ARAP2: variants seen among roughly 807,000 people sequenced by gnomAD.
The protein encoded by ARAP2 is ArfGAP with RhoGAP domain, ankyrin repeat and PH domain 2, also known as arf-GAP with Rho-GAP domain, ANK repeat and PH domain-containing protein 2.
ARAP2 carries 148 observed loss-of-function variants against 194.5 expected under a neutral mutation model. The observed-to-expected ratio is 0.76, with a 90% confidence interval of 0.67 to 0.87. The LOEUF is 0.87. ARAP2 is among the 40% of genes least tolerant of loss of function. The pLI, the probability that ARAP2 is intolerant of heterozygous loss-of-function variation, is 0.00. For synonymous variants in ARAP2, 695 were observed against 683.5 expected (o/e 1.02, Z -0.26); for missense variants, 2,128 against 1,989.7 (o/e 1.07, Z -1.32).
chr4:36,161,146 AACACACACACACACAC>A (rs36207295), intron 12 of ARAP2, among the ~76,000 whole-genome samples: 8 of 147,890 alleles, frequency 5.4e-5, no homozygotes, highest in Non-Finnish European at 1.1e-4. Flanking sequence ...CACACACACA[AACACACACACACACAC>A]ACACACACAC....
chr4:36,014,297 G>GAAAGAAAGAAAGAAAGAAAGAAAGA (rs869236110), intron 8 of ARAP2, among the ~76,000 whole-genome samples: 2 of 130,020 alleles, frequency 1.5e-5, no homozygotes, highest in East Asian at 2.2e-4. Flanking sequence ...AAGAAAGAAA[G>GAAAGAAAGAAAGAAAGAAAGAAAGA]AAGAGAAGGA....
At chr4:36,192,973 G>A (rs548914612) in intron 7 of ARAP2, among the ~76,000 whole-genome samples, 27 of 152,048 alleles carry the variant, frequency 1.8e-4, no homozygotes, top group Non-Finnish European at 3.7e-4. Flanking sequence ...TCCAGCCTGG[G>A]CAACAGAGCA....
intron 5 of ARAP2, among the ~76,000 whole-genome samples, chr4:36,036,489 T>C (rs2109215329): frequency 6.6e-6 from 1 of 152,226 alleles, no homozygotes; most frequent in East Asian, 1.9e-4. Flanking sequence ...TAAAAAGAAA[T>C]ATTCTTAGTC....
intron 8 of ARAP2, among the ~76,000 whole-genome samples, chr4:36,184,534 T>C (rs561685257): frequency 2.6e-5 from 4 of 152,242 alleles, no homozygotes; most frequent in Non-Finnish European, 5.9e-5. Context: ...AGATGAACTA[T>C]ACACCACAGA....
intron 26 of ARAP2, 116 bp downstream of exon 26, chr4:36,114,054 A>C (rs1297948981): frequency 1.3e-6 from 1 of 793,054 alleles, no homozygotes; most frequent in Non-Finnish European, 2.1e-6. Context: ...ACATGCACTA[A>C]GGTAAAAAAA....
rs1287496872 is a variant in ARAP2 at position 36,228,905 on chromosome 4, T to C, written c.582A>G (p.Gln194=). 2.5e-6 allele frequency: 4 copies of C among 1,614,006 alleles called. No homozygotes were observed. The highest frequency in any genetic ancestry group is 1.7e-5 in the Admixed American group (1 of 59,966). The change falls in exon 2 of 33, where the codon CAA becomes CAG. Residue 194 remains glutamine (Q), a synonymous_variant. Transcript: ENST00000303965. ...TGATCAATTTAACTTTTTCTGTTTG[T>C]TGTTCTTCAACTGTGTGATCCACAG... ...KKTVDHTVEE[Q]QTEKVKLITE...
At chr4:36,185,202 C>T (rs1740244647) in intron 8 of ARAP2, among the ~76,000 whole-genome samples, 1 of 152,208 alleles carries the variant, frequency 6.6e-6, no homozygotes, top group African/African-American at 2.4e-5. Context: ...ATTTAGGCTG[C>T]AGATCAGTTT....
At chr4:36,188,485 T>TA (rs1250707380) in intron 7 of ARAP2, among the ~76,000 whole-genome samples, 2 of 152,156 alleles carry the variant, frequency 1.3e-5, no homozygotes, top group African/African-American at 4.8e-5. Flanking sequence ...ATCCGACTTT[T>TA]AAAAAACCTT....
intron 6 of ARAP2, among the ~76,000 whole-genome samples, chr4:36,195,454 A>G (rs1742868567): frequency 6.6e-6 from 1 of 152,216 alleles, no homozygotes; most frequent in Admixed American, 6.5e-5. Context: ...ATTTCATTTT[A>G]TCTCTTCCAC....
intron 30 of ARAP2, among the ~76,000 whole-genome samples, chr4:36,081,148 T>G (rs1406134609): frequency 6.6e-6 from 1 of 152,162 alleles, no homozygotes; most frequent in Non-Finnish European, 1.5e-5. Flanking sequence ...CCTATTACCA[T>G]GTCCAGGCCA....
rs1490860550 is a variant in ARAP2 at position 36,147,621 on chromosome 4, G to C, written c.3126C>G (p.Ser1042=). ...GCATTTGAAGGCAAAAATGCAAGCTGGATTTGTCCATAGCAAACCAGCCTT... is the reference window on the plus strand; with the variant it reads ...GCATTTGAAGGCAAAAATGCAAGCTCGATTTGTCCATAGCAAACCAGCCTT... ...WRKGWFAMDK[S]SLHFCLQMQE... Residue 1042 remains serine, a synonymous_variant, in exon 18 of 33, where the codon TCC becomes TCG. Transcript: ENST00000303965. 8.1e-6 allele frequency: 13 copies of C among 1,613,496 alleles called. No individual in the cohort carries two copies. The highest frequency in any genetic ancestry group is 1.3e-5 in the African/African-American group (1 of 74,884).
At chr4:36,125,591 C>T (rs150772777) in intron 21 of ARAP2, among the ~76,000 whole-genome samples, 77 of 152,018 alleles carry the variant, frequency 5.1e-4, no homozygotes, top group African/African-American at 1.8e-3. Flanking sequence ...GGATGATAGA[C>T]CTCCTGCTTT....
At chr4:36,130,781 C>T (rs528657073) in intron 20 of ARAP2, among the ~76,000 whole-genome samples, 140 of 151,960 alleles carry the variant, frequency 9.2e-4, no homozygotes, top group South Asian at 3.9e-3. Flanking sequence ...CTACTCAGCA[C>T]GTATTCAATA....
At chr4:36,223,878 T>C (rs1749678459) in intron 2 of ARAP2, among the ~76,000 whole-genome samples, 1 of 152,164 alleles carries the variant, frequency 6.6e-6, no homozygotes, top group South Asian at 2.1e-4. Context: ...GAAAAATTTC[T>C]ATTGGTTAAA....
At chr4:36,133,430 T>G (rs751386151) in intron 19 of ARAP2, 41 bp from the exon 20 acceptor site, 1 of 1,560,298 alleles carries the variant, frequency 6.4e-7, no homozygotes, top group Non-Finnish European at 8.7e-7. Context: ...AATTTTGCTC[T>G]TTAAAAAAAA....
chr4:36,140,060 A>AT (rs1727882445), intron 19 of ARAP2, among the ~76,000 whole-genome samples: 1 of 150,552 alleles, frequency 6.6e-6, no homozygotes, highest in Admixed American at 6.7e-5. Flanking sequence ...GGCCCCCTTC[A>AT]TTTTTTCCTA....
intron 2 of ARAP2, among the ~76,000 whole-genome samples, chr4:36,227,062 T>C (rs1750480674): frequency 6.6e-6 from 1 of 152,200 alleles, no homozygotes; most frequent in Non-Finnish European, 1.5e-5. Context: ...CCAATTCTTA[T>C]ATAGCCAATC....
In ARAP2 at chr4:36,150,999, T is replaced by G. The variant is rs1346274152; in HGVS notation, c.2798A>C (p.Tyr933Ser). ...WCVLEGGFLS[Y>S]YENDKSTTPN... Reference sequence around the variant, plus strand: ...TGTGGTAGACTTATCATTTTCATAGTAACTCAAGAAGCCTCCTTCCAAAAC... The same window carrying G: ...TGTGGTAGACTTATCATTTTCATAGGAACTCAAGAAGCCTCCTTCCAAAAC... Residue 933 changes from tyrosine to serine, a missense_variant, in exon 16 of 33, where the codon TAC becomes TCC. By Grantham distance (144) the Tyr-to-Ser change is moderately radical. Transcript: ENST00000303965. The G allele has an allele frequency of 6.2e-7, 1 of 1,611,588 alleles. No homozygotes were observed. The highest frequency in any genetic ancestry group is 1.7e-5 in the Admixed American group (1 of 59,726).
rs890577920 is a variant in ARAP2 at position 36,121,414 on chromosome 4, A to G, written c.3747-88T>C. On this transcript the variant is annotated intron_variant, in intron 22 of 32. Transcript: ENST00000303965. Reference sequence around the variant, plus strand: ...AGCCAGTTTATCAATTTTTAAACACAGCAATATTGGAATTCTCTGACATAA... The same window carrying G: ...AGCCAGTTTATCAATTTTTAAACACGGCAATATTGGAATTCTCTGACATAA... 28 of 1,228,772 alleles carry G rather than the reference A, an allele frequency of 2.3e-5. No homozygotes were observed. In the African/African-American group the frequency reaches 2.9e-4, roughly 13 times the overall value. The allele number at this position is 1,228,772 out of a possible 1,614,324, so 76.1% of individuals were successfully genotyped here.
Sources: gnomAD v4.1 joint callset for allele counts (sites outside exome capture counted in the v4.1 genomes callset) on GRCh38, gnomAD v4.1.1 for gene constraint, MANE v1.5 for transcripts, NCBI Gene and HGNC (gene_info 2026-07-23, HGNC 2026-07-21) for gene names.